Variants in KCND3 observed in about 807,000 individuals in gnomAD.
The protein encoded by KCND3 is potassium voltage-gated channel subfamily D member 3.
A neutral mutation model predicts 51.1 loss-of-function variants in KCND3; 9 were observed. The ratio of observed to expected loss-of-function variants is 0.18; its 90% CI spans 0.11 to 0.31. KCND3 has a LOEUF of 0.31. Ranked by LOEUF, KCND3 falls within the 10% of genes least tolerant of loss-of-function variation. The probability of loss-of-function intolerance (pLI) is 1.00; values close to 1 mark genes in which losing one functional copy is unlikely to be tolerated. For synonymous variants in KCND3, 349 were observed against 368.0 expected, an observed-to-expected ratio of 0.95 and a Z score of 0.59; for missense variants, 526 against 903.8, an observed-to-expected ratio of 0.58 and a Z score of 5.36.
At chr1:111,861,118 C>T (rs980425547) in intron 2 of KCND3, among the ~76,000 whole-genome samples, 1 of 151,894 alleles carries the variant, frequency 6.6e-6, no homozygotes, top group Non-Finnish European at 1.5e-5. Context: ...CAGGTGGTGA[C>T]TAGTTGAGGT....
At chr1:111,891,514 C>T (rs1669818002) in intron 2 of KCND3, among the ~76,000 whole-genome samples, 1 of 152,156 alleles carries the variant, frequency 6.6e-6, no homozygotes, top group East Asian at 1.9e-4. Context: ...ACGGTATGTG[C>T]CCTCCCTCAG....
At chr1:111,930,159 G>A (rs1160216046) in intron 2 of KCND3, among the ~76,000 whole-genome samples, 1 of 146,006 alleles carries the variant, frequency 6.8e-6, no homozygotes, top group African/African-American at 2.5e-5. Flanking sequence ...TTCGGTTTTT[G>A]TTTTTTTTTT....
intron 2 of KCND3, among the ~76,000 whole-genome samples, chr1:111,965,313 T>G (rs1313314414): frequency 1.3e-5 from 2 of 151,902 alleles, no homozygotes; most frequent in South Asian, 4.2e-4. Context: ...GAGGTAATCT[T>G]CCAAGAATGG....
intron 2 of KCND3, among the ~76,000 whole-genome samples, chr1:111,940,637 CA>C (rs1172490311): frequency 6.6e-6 from 1 of 152,116 alleles, no homozygotes; most frequent in East Asian, 1.9e-4. Context: ...TAGCCTCCCA[CA>C]AGGTGATTTA....
intron 2 of KCND3, among the ~76,000 whole-genome samples, chr1:111,804,769 T>C (rs147211900): frequency 6.6e-6 from 1 of 152,362 alleles, no homozygotes; most frequent in African/African-American, 2.4e-5. Context: ...CCATTTTGCA[T>C]ATTAGGAGAC....
At chr1:111,824,795 C>T (rs550865682) in intron 2 of KCND3, among the ~76,000 whole-genome samples, 1 of 152,326 alleles carries the variant, frequency 6.6e-6, no homozygotes, top group South Asian at 2.1e-4. Flanking sequence ...CTCTTCCTTA[C>T]CCCTCCTTAA....
At chr1:111,815,725 G>A (rs546254907) in intron 2 of KCND3, among the ~76,000 whole-genome samples, 48 of 151,590 alleles carry the variant, frequency 3.2e-4, no homozygotes, top group Admixed American at 5.3e-4. Flanking sequence ...CTTTTCCCCC[G>A]TTGCAATAGT....
chr1:111,869,040 C>T (rs1668715300), intron 2 of KCND3, among the ~76,000 whole-genome samples: 1 of 152,152 alleles, frequency 6.6e-6, no homozygotes, highest in Admixed American at 6.5e-5. Context: ...ACTCCAAGGC[C>T]TGTCCCCTTA....
At chr1:111,812,236 G>T (rs2101576142) in intron 2 of KCND3, among the ~76,000 whole-genome samples, 1 of 152,354 alleles carries the variant, frequency 6.6e-6, no homozygotes, top group East Asian at 1.9e-4. Flanking sequence ...CCACTGGTGG[G>T]TCTGGAGGAG....
chr1:111,814,943 G>A (rs1046968131), intron 2 of KCND3, among the ~76,000 whole-genome samples: 2 of 152,216 alleles, frequency 1.3e-5, no homozygotes, highest in African/African-American at 4.8e-5. Context: ...TTTATCAAAT[G>A]GCAGAATACC....
At chr1:111,905,231 C>T (rs1670590478) in intron 2 of KCND3, among the ~76,000 whole-genome samples, 1 of 152,184 alleles carries the variant, frequency 6.6e-6, no homozygotes, top group African/African-American at 2.4e-5. Context: ...GCATCTGTGA[C>T]CACACAGCAC....
intron 2 of KCND3, among the ~76,000 whole-genome samples, chr1:111,971,260 G>A (rs1405382334): frequency 2.0e-5 from 3 of 149,632 alleles, no homozygotes; most frequent in Non-Finnish European, 3.0e-5. Context: ...GCTTTCTTGG[G>A]TGGGTACTGT....
intron 2 of KCND3, among the ~76,000 whole-genome samples, chr1:111,880,430 C>A (rs1222940517): frequency 6.6e-6 from 1 of 152,156 alleles, no homozygotes; most frequent in South Asian, 2.1e-4. Context: ...CCCGCAGCAC[C>A]TTTGGGATGT....
intron 2 of KCND3, among the ~76,000 whole-genome samples, chr1:111,865,921 G>A (rs1668541693): frequency 6.6e-6 from 1 of 152,138 alleles, no homozygotes; most frequent in Non-Finnish European, 1.5e-5. Flanking sequence ...GCCTAGGCTG[G>A]TCTTAAACTC....
intron 1 of KCND3, among the ~76,000 whole-genome samples, chr1:111,987,617 C>T (rs1350517680): frequency 6.6e-6 from 1 of 152,326 alleles, no homozygotes; most frequent in East Asian, 1.9e-4. Context: ...CTCAAGTAGG[C>T]CTTCTCCACA....
chr1:111,945,711 G>T (rs1446985755), intron 2 of KCND3, among the ~76,000 whole-genome samples: 5 of 152,180 alleles, frequency 3.3e-5, no homozygotes, highest in Non-Finnish European at 7.3e-5. Context: ...CCAGCAGCTG[G>T]GTTTTCTGCC....
chr1:111,782,614 A>C (rs1664433581), intron 3 of KCND3, among the ~76,000 whole-genome samples: 1 of 152,132 alleles, frequency 6.6e-6, no homozygotes, highest in African/African-American at 2.4e-5. Context: ...GGGTGTTGAG[A>C]GTTTCATATG....
intron 2 of KCND3, among the ~76,000 whole-genome samples, chr1:111,790,116 T>C (rs1664765526): frequency 6.6e-6 from 1 of 152,186 alleles, no homozygotes; most frequent in Admixed American, 6.5e-5. Flanking sequence ...CAACAACTTA[T>C]AAAAGCCAGA....
At chr1:111,844,069 A>G (rs1306024959) in intron 2 of KCND3, among the ~76,000 whole-genome samples, 1 of 152,148 alleles carries the variant, frequency 6.6e-6, no homozygotes, top group African/African-American at 2.4e-5. Flanking sequence ...GGTGAGGTGC[A>G]CAGCAGGAAA....
Sources: allele counts gnomAD v4.1 joint callset (sites outside exome capture counted in the v4.1 genomes callset), GRCh38; gene constraint gnomAD v4.1.1; transcripts MANE v1.5; gene names NCBI Gene and HGNC (gene_info 2026-07-23, HGNC 2026-07-21).